The following PRPF39 variants were observed in gnomAD, a reference collection of about 807,000 sequenced individuals.
PRPF39 encodes pre-mRNA processing factor 39, also known as pre-mRNA-processing factor 39.
PRPF39 carries 27 observed loss-of-function variants against 82.1 expected under a neutral mutation model. The ratio of observed to expected loss-of-function variants is 0.33; its 90% CI spans 0.24 to 0.45. The LOEUF (loss-of-function observed/expected upper bound fraction) is 0.45. Among genes scored for constraint, PRPF39 ranks in the 20% least tolerant of loss-of-function variants. The probability of loss-of-function intolerance (pLI) is 1.00; values close to 1 mark genes in which losing one functional copy is unlikely to be tolerated. For missense variants in PRPF39, 581 were observed against 796.9 expected (o/e 0.73, Z 3.26); for synonymous variants, 261 against 256.4 (o/e 1.02, Z -0.17).
chr14:45,114,034 A>C, intron 11 of PRPF39, 149 bp from the exon 12 acceptor site: 2 of 568,014 alleles, frequency 3.5e-6, no homozygotes, highest in East Asian at 6.2e-5. Flanking sequence ...TCTGAGTATC[A>C]GGACTATGAT....
rs1594739421 is a variant in PRPF39 at position 45,116,120 on chromosome 14, C to G, written c.*1207C>G. 1.0e-6 allele frequency: 1 copy of G among 1,002,306 alleles called. No homozygotes were observed. Among genetic ancestry groups the G allele is most frequent in the East Asian group, 2.4e-5 (1 of 41,710 alleles). The allele number at this position is 1,002,306 out of a possible 1,614,324, so 62.1% of individuals were successfully genotyped here. ...TCTTCCTTTACAATAGTAACAAGTTCTAACTAGTTGTGTAAATTTCTTCAA... is the reference window on the plus strand; with the variant it reads ...TCTTCCTTTACAATAGTAACAAGTTGTAACTAGTTGTGTAAATTTCTTCAA... On this transcript the variant is annotated 3_prime_UTR_variant, in exon 14 of 14. Transcript: ENST00000355765.
At chr14:45,104,335 A>C (rs998338746) in intron 5 of PRPF39, among the ~76,000 whole-genome samples, 4 of 152,180 alleles carry the variant, frequency 2.6e-5, no homozygotes, top group Non-Finnish European at 5.9e-5. Flanking sequence ...TTTCCTTATC[A>C]GTTATAGTGA....
chr14:45,103,344 C>T (rs560948322), intron 5 of PRPF39, among the ~76,000 whole-genome samples: 10 of 152,182 alleles, frequency 6.6e-5, no homozygotes, highest in South Asian at 4.2e-4. Context: ...TCCAGAAAGT[C>T]TTTCTGAACG....
intron 6 of PRPF39, 112 bp from the exon 7 acceptor site, chr14:45,108,303 C>T: frequency 8.2e-7 from 1 of 1,219,104 alleles, no homozygotes. Context: ...AAAAATCTAC[C>T]ACTATTCTAA....
At chr14:45,088,665 A>C (rs1883920042) in intron 1 of PRPF39, among the ~76,000 whole-genome samples, 1 of 152,206 alleles carries the variant, frequency 6.6e-6, no homozygotes, top group African/African-American at 2.4e-5. Flanking sequence ...AGTAGCATTT[A>C]ACAAAATATT....
In PRPF39 at chr14:45,112,442, G is replaced by T; in HGVS notation, c.1697G>T (p.Arg566Ile). The T allele has an allele frequency of 6.5e-7, 1 of 1,543,584 alleles. No individual in the cohort carries two copies. The highest frequency in any genetic ancestry group is 1.4e-5 in the African/African-American group (1 of 70,966). Residue 566 changes from arginine to isoleucine, a missense_variant, in exon 11 of 14, where the codon AGA (arginine) becomes ATA (isoleucine). Coordinates refer to ENST00000355765, the MANE Select transcript of PRPF39 (RefSeq NM_017922.4). The stretch of plus-strand genomic sequence containing the variant: ...CATGGTTCATTACCTATTAAAATGA[G>T]AATTACATTTTCTCAGAGAAAAGTG... ...AVHGSLPIKM[R>I]ITFSQRKVEF...
chr14:45,089,686 A>G (rs1594722982), intron 1 of PRPF39, among the ~76,000 whole-genome samples: 1 of 152,258 alleles, frequency 6.6e-6, no homozygotes, highest in Admixed American at 6.5e-5. Flanking sequence ...GATTACAGAC[A>G]GGAGCCACTA....
In PRPF39 at chr14:45,091,811, T is replaced by C. The variant is rs537525223; in HGVS notation, c.-19-3410T>C. On this transcript the variant is annotated intron_variant, in intron 1 of 13. Coordinates refer to ENST00000355765, the MANE Select transcript of PRPF39 (RefSeq NM_017922.4). ...TATTGTTGCCGGGGATATAAAGCAA[T>C]GGACAGTCTCATGCACTGTTGATGA... is the stretch of plus-strand genomic sequence containing the variant. 8.1e-4 allele frequency among the ~76,000 whole-genome samples: 124 copies of C among 152,348 alleles called. 1 individual carries two copies. Among genetic ancestry groups the C allele is most frequent in the South Asian group, 2.7e-3 (13 of 4,826 alleles).
At chr14:45,098,025 C>A (rs765373361) in intron 4 of PRPF39, among the ~76,000 whole-genome samples, 1 of 152,098 alleles carries the variant, frequency 6.6e-6, no homozygotes, top group Non-Finnish European at 1.5e-5. Context: ...GAATTTTAAC[C>A]CACTTACACT....
intron 4 of PRPF39, among the ~76,000 whole-genome samples, chr14:45,102,124 C>A (rs1884394849): frequency 6.6e-6 from 1 of 152,082 alleles, no homozygotes; most frequent in Admixed American, 6.6e-5. Context: ...TTTCACCATG[C>A]CTCATGAAAA....
intron 3 of PRPF39, chr14:45,096,564 C>A: frequency 7.0e-7 from 1 of 1,435,172 alleles, no homozygotes; most frequent in Non-Finnish European, 9.3e-7. Context: ...TTGCTAGTCA[C>A]ATTTGCTACG....
At chr14:45,097,638 T>C (rs1366174505) in intron 4 of PRPF39, among the ~76,000 whole-genome samples, 1 of 152,220 alleles carries the variant, frequency 6.6e-6, no homozygotes, top group Non-Finnish European at 1.5e-5. Context: ...TTGTTTTACC[T>C]CCAGTGGCAT....
chr14:45,107,464 G>T lies in PRPF39; in HGVS notation c.751G>T (p.Val251Leu), dbSNP rs751763551. ...SHHFQRFKEH[V>L]QNNLPRDLLT... ...GTCTTCCTTTAGATTTAAAGAACAT[G>T]TACAGAATAATTTGCCTAGAGATCT... The change falls in exon 6 of 14, where the codon GTA becomes TTA. Residue 251 changes from valine to leucine, a missense_variant. By Grantham distance (32) the Val-to-Leu change is conservative (BLOSUM62 1). Transcript: ENST00000355765. 1 of 1,543,942 alleles carries T rather than the reference G, an allele frequency of 6.5e-7. No individual in the cohort carries two copies. The highest frequency in any genetic ancestry group is 2.3e-5 in the East Asian group (1 of 42,638).
Position 45,114,178 on chromosome 14 carries a change from TTCA to T in PRPF39, c.1758-4_1758-2del. 1 of 1,568,150 alleles carries T rather than the reference TTCA, an allele frequency of 6.4e-7. No individual in the cohort carries two copies. Among genetic ancestry groups the T allele is most frequent in the Non-Finnish European group, 8.7e-7 (1 of 1,151,222 alleles). ...TCCAGAGGATATTTTTTTCTTTCCTTTCAGGCTTCTGAATGCTTATGATGAACA... is the reference window on the plus strand; with the variant it reads ...TCCAGAGGATATTTTTTTCTTTCCTTGGCTTCTGAATGCTTATGATGAACA... On this transcript the variant is annotated splice_acceptor_variant and splice_polypyrimidine_tract_variant and intron_variant, in intron 11 of 13. Transcript: ENST00000355765. LOFTEE classifies it high-confidence loss of function.
chr14:45,088,950 C>T (rs1883931063), intron 1 of PRPF39, among the ~76,000 whole-genome samples: 1 of 152,156 alleles, frequency 6.6e-6, no homozygotes, highest in Admixed American at 6.5e-5. Context: ...TGGTGTGAAG[C>T]AATCTACAGT....
In PRPF39 at chr14:45,109,749, C is replaced by T; in HGVS notation, c.1145C>T (p.Ser382Leu). The T allele has an allele frequency of 6.2e-7, 1 of 1,607,472 alleles. No individual in the cohort carries two copies. The highest frequency in any genetic ancestry group is 8.5e-7 in the Non-Finnish European group (1 of 1,176,748). The part of the protein sequence containing the change: ...VVVLFERCVI[S>L]CALYEEFWIK... Reference sequence around the variant, plus strand: ...GTTCTCTTTGAAAGATGTGTCATATCATGTGCCCTCTATGAGGAGTTTTGG... The same window carrying T: ...GTTCTCTTTGAAAGATGTGTCATATTATGTGCCCTCTATGAGGAGTTTTGG... Residue 382 changes from serine to leucine, a missense_variant, in exon 8 of 14, where the codon TCA becomes TTA. By Grantham distance (145) the Ser-to-Leu change is moderately radical. Transcript: ENST00000355765.
chr14:45,093,511 A>C (rs967757127), intron 1 of PRPF39, among the ~76,000 whole-genome samples: 29 of 150,748 alleles, frequency 1.9e-4, no homozygotes, highest in Non-Finnish European at 2.9e-4. Context: ...GGCATGAGCC[A>C]CCGTGCCTGG....
intron 5 of PRPF39, among the ~76,000 whole-genome samples, chr14:45,105,893 G>A (rs1884516153): frequency 6.6e-6 from 1 of 152,074 alleles, no homozygotes; most frequent in Non-Finnish European, 1.5e-5. Context: ...TGAGACTAGA[G>A]GCTGCAAGGT....
At chr14:45,087,412 AT>A (rs973670454) in intron 1 of PRPF39, among the ~76,000 whole-genome samples, 1 of 151,410 alleles carries the variant, frequency 6.6e-6, no homozygotes, top group South Asian at 2.1e-4. Flanking sequence ...AGAGTGTATT[AT>A]TTTTTTTGAT....
Sources: allele counts gnomAD v4.1 joint callset (sites outside exome capture counted in the v4.1 genomes callset), GRCh38; gene constraint gnomAD v4.1.1; transcripts MANE v1.5; gene names NCBI Gene and HGNC (gene_info 2026-07-23, HGNC 2026-07-21).